The following MYO5A variants were observed in gnomAD, a reference collection of about 807,000 sequenced individuals.
MYO5A encodes the protein myosin VA.
MYO5A carries 98 observed loss-of-function variants against 249.7 expected under a neutral mutation model. That is an observed-to-expected ratio of 0.39 (90% CI 0.33 to 0.46). The LOEUF (loss-of-function observed/expected upper bound fraction) is 0.46. MYO5A is among the 20% of genes least tolerant of loss of function. The pLI is 0.98. For missense variants in MYO5A, 1,696 were observed against 2,308.8 expected, an observed-to-expected ratio of 0.73 and a Z score of 5.44; for synonymous variants, 778 against 810.6, an observed-to-expected ratio of 0.96 and a Z score of 0.68.
intron 1 of MYO5A, among the ~76,000 whole-genome samples, chr15:52,483,274 G>A (rs184063188): frequency 3.6e-4 from 55 of 152,280 alleles, no homozygotes; most frequent in Admixed American, 2.9e-3. Flanking sequence ...AGGCCCTTAC[G>A]AGTGAGCCAT....
chr15:52,504,054 C>CTCCT (rs1555386579), intron 1 of MYO5A, among the ~76,000 whole-genome samples: 71,808 of 122,272 alleles, frequency 0.59, 22,272 homozygotes, highest in Non-Finnish European at 0.7. Flanking sequence ...GTTTCTCCTT[C>CTCCT]TTTTTTTTTT....
chr15:52,382,962 C>T, intron 16 of MYO5A, 129 bp downstream of exon 16: 2 of 781,384 alleles, frequency 2.6e-6, no homozygotes, highest in South Asian at 1.4e-5. Context: ...TTTCCCTCTA[C>T]AAGGCATGAA....
chr15:52,382,116 TG>T (rs1160950025), intron 16 of MYO5A, among the ~76,000 whole-genome samples: 1 of 152,142 alleles, frequency 6.6e-6, no homozygotes, highest in African/African-American at 2.4e-5. Context: ...TTGGCCAGGT[TG>T]GTCTCAAGCT....
intron 1 of MYO5A, among the ~76,000 whole-genome samples, chr15:52,461,815 G>C (rs531574131): frequency 4.6e-5 from 7 of 151,078 alleles, no homozygotes; most frequent in Non-Finnish European, 1.0e-4. Flanking sequence ...ACAAAAATTA[G>C]CCGGACATGG....
intron 22 of MYO5A, among the ~76,000 whole-genome samples, chr15:52,369,869 CTTTTTT>C (rs5812601): frequency 3.2e-5 from 3 of 93,806 alleles, no homozygotes; most frequent in African/African-American, 7.3e-5. Flanking sequence ...CCCAGACTGA[CTTTTTT>C]TTTTTTTTTT....
rs1045700 is a variant in MYO5A, at chr15:52,308,992, C to T, written c.*4704G>A. ...ACTGCAGTGCCCACGCACACACTGA[C>T]TTGTATATGGCCTGCCCAGTGACAG... On this transcript the variant is annotated 3_prime_UTR_variant, in exon 42 of 42. Coordinates refer to ENST00000399233, the MANE Select transcript of MYO5A (RefSeq NM_001382347.1). 39,876 of 152,458 alleles carry T rather than the reference C, an allele frequency of 0.26. 5,574 individuals are homozygous for T. The highest frequency in any genetic ancestry group is 0.34 in the South Asian group (1,649 of 4,832). 9.4% of individuals were successfully genotyped at this position (152,458 alleles called of 1,614,324 possible). A position where few individuals can be genotyped will look rare whatever the true frequency, so the allele number is the denominator to read the frequency against.
chr15:52,517,850 A>G (rs1419487135), intron 1 of MYO5A, among the ~76,000 whole-genome samples: 2 of 152,106 alleles, frequency 1.3e-5, no homozygotes, highest in East Asian at 1.9e-4. Context: ...AAGTAAATCA[A>G]TAGTTGACAA....
chr15:52,375,273 T>C, intron 20 of MYO5A, 31 bp downstream of exon 20: 1 of 1,611,890 alleles, frequency 6.2e-7, no homozygotes, highest in Non-Finnish European at 8.5e-7. Flanking sequence ...GCTAATAGAA[T>C]GAATAAACAA....
chr15:52,319,407 C>CATGTGCACAA lies in MYO5A; in HGVS notation c.4952-75_4952-66dup. The CATGTGCACAA allele has an allele frequency of 2.0e-6, 3 of 1,483,578 alleles. No individual in the cohort carries two copies. In the East Asian group the frequency reaches 6.8e-5, roughly 34 times the overall value. The allele number at this position is 1,483,578 out of a possible 1,614,324, so 91.9% of individuals were successfully genotyped here. On this transcript the variant is annotated intron_variant, in intron 38 of 41. Transcript: ENST00000399233. ...AGGGAACCTTTCATGTGCACATATC[C>CATGTGCACAA]ATGTGCACAAACACATGCACATTCA...
intron 1 of MYO5A, 73 bp from the exon 2 acceptor site, chr15:52,433,358 C>A: frequency 4.2e-6 from 3 of 719,590 alleles, no homozygotes; most frequent in Non-Finnish European, 4.7e-6. Context: ...CATATGATAA[C>A]TATTTATAAT....
At chr15:52,471,104 G>C (rs970871474) in intron 1 of MYO5A, among the ~76,000 whole-genome samples, 3 of 151,958 alleles carry the variant, frequency 2.0e-5, no homozygotes, top group African/African-American at 7.3e-5. Context: ...CTGGCAGCTA[G>C]TATTTATCTT....
intron 1 of MYO5A, among the ~76,000 whole-genome samples, chr15:52,511,868 T>G (rs1343678336): frequency 6.6e-6 from 1 of 152,224 alleles, no homozygotes; most frequent in Admixed American, 6.5e-5. Context: ...TAGATTAATC[T>G]TAACATTGAT....
intron 1 of MYO5A, among the ~76,000 whole-genome samples, chr15:52,459,214 G>A (rs545195777): frequency 6.3e-4 from 82 of 129,768 alleles, no homozygotes; most frequent in African/African-American, 2.2e-3. Flanking sequence ...TCAGAGAGGG[G>A]GATTTGGCAG....
chr15:52,502,763 A>G (rs2077185263), intron 1 of MYO5A, among the ~76,000 whole-genome samples: 1 of 152,246 alleles, frequency 6.6e-6, no homozygotes, highest in African/African-American at 2.4e-5. Flanking sequence ...TGATTTCTTC[A>G]GTTACACAAA....
At chr15:52,453,472 C>T (rs559829474) in intron 1 of MYO5A, among the ~76,000 whole-genome samples, 2 of 151,690 alleles carry the variant, frequency 1.3e-5, no homozygotes, top group East Asian at 1.9e-4. Flanking sequence ...AAAAGCAAAA[C>T]ACTAATGTGA....
At chr15:52,455,092 G>A (rs1449437980) in intron 1 of MYO5A, among the ~76,000 whole-genome samples, 1 of 151,636 alleles carries the variant, frequency 6.6e-6, no homozygotes, top group Non-Finnish European at 1.5e-5. Context: ...TAAAAAGAGA[G>A]AAGACCCAAA....
chr15:52,404,214 G>A (rs189580261), intron 9 of MYO5A, among the ~76,000 whole-genome samples: 14 of 146,998 alleles, frequency 9.5e-5, no homozygotes, highest in Non-Finnish European at 1.8e-4. Flanking sequence ...GCAGTGAGCC[G>A]AGATTGCATG....
intron 1 of MYO5A, among the ~76,000 whole-genome samples, chr15:52,444,740 T>A (rs2075853354): frequency 6.6e-6 from 1 of 152,234 alleles, no homozygotes; most frequent in African/African-American, 2.4e-5. Context: ...GGAAGTCATA[T>A]TAAATATGTA....
At chr15:52,426,055 T>C in intron 3 of MYO5A, 81 bp from the exon 4 acceptor site, 1 of 1,213,316 alleles carries the variant, frequency 8.2e-7, no homozygotes, top group Non-Finnish European at 1.2e-6. Context: ...AAAGTGAGAC[T>C]CACAGTTAAC....
Sources: gnomAD v4.1 joint callset for allele counts (sites outside exome capture counted in the v4.1 genomes callset) on GRCh38, gnomAD v4.1.1 for gene constraint, MANE v1.5 for transcripts, NCBI Gene and HGNC (gene_info 2026-07-23, HGNC 2026-07-21) for gene names.